Variants in NEDD4 observed in about 807,000 individuals in gnomAD.
NEDD4 encodes NEDD4 E3 ubiquitin protein ligase.
A neutral mutation model predicts 144.9 loss-of-function variants in NEDD4; 99 were observed. That is an observed-to-expected ratio of 0.68 (90% CI 0.58 to 0.81). NEDD4 has a LOEUF of 0.81. Among genes scored for constraint, NEDD4 ranks in the 30% least tolerant of loss-of-function variants. The probability of loss-of-function intolerance (pLI) is 0.00; values close to 1 mark genes in which losing one functional copy is unlikely to be tolerated. For synonymous variants in NEDD4, 318 were observed against 350.6 expected (o/e 0.91, Z 1.04); for missense variants, 985 against 1,065.9 (o/e 0.92, Z 1.06).
intron 21 of NEDD4, among the ~76,000 whole-genome samples, chr15:55,839,973 CAAAAAAAAAAAA>C (rs1157411288): frequency 8.3e-5 from 1 of 12,118 alleles, no homozygotes; most frequent in African/African-American, 4.2e-4. Context: ...CACTCTGTCT[CAAAAAAAAAAAA>C]AAAAAAAAAA....
chr15:55,921,342 C>T (rs1352730201), intron 5 of NEDD4, among the ~76,000 whole-genome samples: 5 of 150,590 alleles, frequency 3.3e-5, no homozygotes, highest in Middle Eastern at 3.5e-3. Flanking sequence ...TTTTTTTCGC[C>T]GAGACGGAGT....
chr15:55,852,585 A>T, intron 12 of NEDD4, 42 bp from the exon 13 acceptor site: 1 of 1,596,620 alleles, frequency 6.3e-7, no homozygotes, highest in Non-Finnish European at 8.5e-7. Flanking sequence ...CATCAAGTTT[A>T]AGAATCCTTC....
At position 55,852,418 on chromosome 15, in the gene NEDD4, G is replaced by C; in HGVS notation, c.1146+6C>G. 6.2e-7 allele frequency: 1 copy of C among 1,605,054 alleles called. No homozygotes were observed. Among genetic ancestry groups the C allele is most frequent in the Non-Finnish European group, 8.5e-7 (1 of 1,175,068 alleles). On this transcript the variant is annotated splice_donor_region_variant and intron_variant, in intron 13 of 28. Coordinates refer to ENST00000435532, the MANE Select transcript of NEDD4 (RefSeq NM_006154.4). ...TAAGAAAGCAAGTTGATAGATTACAGGATACCTGTACAGTGGGCTTTGTCC... is the reference window on the plus strand; with the variant it reads ...TAAGAAAGCAAGTTGATAGATTACACGATACCTGTACAGTGGGCTTTGTCC...
At chr15:55,849,387 GC>G (rs1161869655) in intron 14 of NEDD4, among the ~76,000 whole-genome samples, 2 of 151,916 alleles carry the variant, frequency 1.3e-5, no homozygotes, top group African/African-American at 4.8e-5. Flanking sequence ...ACCATGCCTA[GC>G]TAATTTTTGT....
intron 5 of NEDD4, among the ~76,000 whole-genome samples, chr15:55,893,379 C>A (rs1471790844): frequency 6.6e-6 from 1 of 151,898 alleles, no homozygotes; most frequent in East Asian, 1.9e-4. Flanking sequence ...ATGTTCAAGC[C>A]GTTATTAATC....
intron 5 of NEDD4, among the ~76,000 whole-genome samples, chr15:55,902,577 A>G (rs1367422537): frequency 6.6e-6 from 1 of 152,234 alleles, no homozygotes; most frequent in African/African-American, 2.4e-5. Context: ...GATGAGGCAT[A>G]CATAGGGGTT....
chr15:55,885,913 AT>A (rs1190474485), intron 5 of NEDD4, among the ~76,000 whole-genome samples: 1 of 151,142 alleles, frequency 6.6e-6, no homozygotes, highest in South Asian at 2.1e-4. Flanking sequence ...GGCTGAATAG[AT>A]TTAAAAAAAA....
At chr15:55,935,061 T>C (rs2036859651) in intron 4 of NEDD4, among the ~76,000 whole-genome samples, 1 of 151,790 alleles carries the variant, frequency 6.6e-6, no homozygotes, top group Admixed American at 6.6e-5. Context: ...AGAGATGGGG[T>C]TTCACCATGT....
At chr15:55,962,384 T>C (rs770116262) in intron 2 of NEDD4, among the ~76,000 whole-genome samples, 3 of 152,204 alleles carry the variant, frequency 2.0e-5, no homozygotes, top group Non-Finnish European at 4.4e-5. Flanking sequence ...ATTATTGATA[T>C]GATTGGATTT....
intron 9 of NEDD4, among the ~76,000 whole-genome samples, chr15:55,862,347 T>C (rs1360632262): frequency 1.3e-5 from 2 of 152,104 alleles, no homozygotes; most frequent in Non-Finnish European, 2.9e-5. Context: ...TGGGAGATTT[T>C]ATAAATGTAT....
intron 5 of NEDD4, among the ~76,000 whole-genome samples, chr15:55,888,003 T>C (rs774497829): frequency 5.9e-5 from 9 of 152,170 alleles, no homozygotes; most frequent in African/African-American, 1.9e-4. Context: ...ACAAAAGTCA[T>C]ACATGACAGA....
At chr15:55,831,300 A>T (rs2032939950) in intron 27 of NEDD4, among the ~76,000 whole-genome samples, 1 of 152,200 alleles carries the variant, frequency 6.6e-6, no homozygotes, top group Non-Finnish European at 1.5e-5. Context: ...ATACATAAGA[A>T]TTTGACTTTG....
intron 5 of NEDD4, among the ~76,000 whole-genome samples, chr15:55,918,573 C>T (rs1172473424): frequency 7.4e-6 from 1 of 134,672 alleles, no homozygotes; most frequent in Non-Finnish European, 1.6e-5. Flanking sequence ...AAAACATATA[C>T]TCATACTTTG....
intron 1 of NEDD4, among the ~76,000 whole-genome samples, chr15:55,983,383 T>C (rs1438948732): frequency 3.3e-5 from 5 of 152,202 alleles, no homozygotes; most frequent in Middle Eastern, 3.2e-3. Flanking sequence ...CAGGCTTGCC[T>C]GATCAGGCTA....
At chr15:55,831,389 C>T (rs188831445) in intron 27 of NEDD4, among the ~76,000 whole-genome samples, 1 of 152,228 alleles carries the variant, frequency 6.6e-6, no homozygotes, top group Admixed American at 6.5e-5. Flanking sequence ...AAATTTCAAA[C>T]AGTGCATGAA....
chr15:55,914,200 GT>G (rs71110354), intron 5 of NEDD4, among the ~76,000 whole-genome samples: 35 of 148,222 alleles, frequency 2.4e-4, no homozygotes, highest in East Asian at 3.9e-4. Flanking sequence ...TTATCCAGAA[GT>G]TTTTTTTTTT....
At position 55,848,442 on chromosome 15, in the gene NEDD4, A is replaced by G. The variant is rs532266721; in HGVS notation, c.1484-12T>C. On this transcript the variant is annotated splice_polypyrimidine_tract_variant and intron_variant, in intron 16 of 28. Coordinates refer to ENST00000435532, the MANE Select transcript of NEDD4 (RefSeq NM_006154.4). ...TGTTCTTTTTATATCTGAAGGGAAG[A>G]AAAAGAAAAAAGATGTACTTTCTCA... 6.2e-7 allele frequency: 1 copy of G among 1,614,064 alleles called. No individual in the cohort carries two copies. The highest frequency in any genetic ancestry group is 8.5e-7 in the Non-Finnish European group (1 of 1,179,906).
At chr15:55,990,002 C>G (rs1424427666) in intron 1 of NEDD4, among the ~76,000 whole-genome samples, 2 of 152,000 alleles carry the variant, frequency 1.3e-5, no homozygotes, top group Non-Finnish European at 2.9e-5. Context: ...ACTGTCCATG[C>G]AAGCGATCTA....
At chr15:55,944,848 C>T (rs1301636900) in intron 4 of NEDD4, among the ~76,000 whole-genome samples, 3 of 152,184 alleles carry the variant, frequency 2.0e-5, no homozygotes, top group Non-Finnish European at 4.4e-5. Context: ...GCAGCCTCCA[C>T]TGGTGATACC....
Sources: gnomAD v4.1 joint callset for allele counts (sites outside exome capture counted in the v4.1 genomes callset) on GRCh38, gnomAD v4.1.1 for gene constraint, MANE v1.5 for transcripts, NCBI Gene and HGNC (gene_info 2026-07-23, HGNC 2026-07-21) for gene names.